Variants in USP25 observed in about 807,000 individuals in gnomAD.
USP25 encodes the protein ubiquitin specific peptidase 25.
USP25 carries 85 observed loss-of-function variants against 158.5 expected under a neutral mutation model. That is an observed-to-expected ratio of 0.54 (90% CI 0.45 to 0.64). USP25 has a LOEUF of 0.64. USP25 is among the 30% of genes least tolerant of loss of function. USP25 has a pLI of 0.00. For missense variants in USP25, 1,242 were observed against 1,327.3 expected, an observed-to-expected ratio of 0.94 and a Z score of 1.00; for synonymous variants, 464 against 460.4, an observed-to-expected ratio of 1.01 and a Z score of -0.10.
intron 18 of USP25, among the ~76,000 whole-genome samples, chr21:15,847,144 T>C (rs550572111): frequency 6.6e-6 from 1 of 152,198 alleles, no homozygotes; most frequent in Non-Finnish European, 1.5e-5. Flanking sequence ...AGGATAAAAT[T>C]ATAAGGAAAA....
intron 1 of USP25, among the ~76,000 whole-genome samples, chr21:15,745,625 A>T (rs2032484038): frequency 6.6e-6 from 1 of 150,928 alleles, no homozygotes; most frequent in African/African-American, 2.4e-5. Flanking sequence ...ACAGGCATGC[A>T]CCACCACGCT....
At chr21:15,850,239 A>G (rs1033753050) in intron 20 of USP25, among the ~76,000 whole-genome samples, 7 of 152,082 alleles carry the variant, frequency 4.6e-5, no homozygotes, top group African/African-American at 1.7e-4. Context: ...CATTGTTCAT[A>G]TTATTGGTCA....
At chr21:15,797,413 A>G (rs1276601927) in intron 5 of USP25, among the ~76,000 whole-genome samples, 3 of 151,490 alleles carry the variant, frequency 2.0e-5, no homozygotes, top group Non-Finnish European at 4.4e-5. Context: ...AGCAAAAACA[A>G]GACTAATAGC....
chr21:15,809,394 T>C (rs1403606587), intron 8 of USP25, among the ~76,000 whole-genome samples: 2 of 152,096 alleles, frequency 1.3e-5, no homozygotes, highest in Non-Finnish European at 2.9e-5. Context: ...GGCAGAGCTA[T>C]GTGGCCTAAC....
chr21:15,748,975 T>A (rs573598414), intron 1 of USP25, among the ~76,000 whole-genome samples: 2 of 152,324 alleles, frequency 1.3e-5, no homozygotes, highest in African/African-American at 4.8e-5. Context: ...TTTTGGTCTT[T>A]TTATTGTAAA....
chr21:15,752,430 G>A (rs894336250), intron 1 of USP25, among the ~76,000 whole-genome samples: 3 of 151,774 alleles, frequency 2.0e-5, no homozygotes, highest in African/African-American at 4.8e-5. Context: ...TGGCCAGGCT[G>A]GTCTCGAACT....
At chr21:15,828,601 G>A (rs1474955718) in intron 14 of USP25, among the ~76,000 whole-genome samples, 1 of 152,214 alleles carries the variant, frequency 6.6e-6, no homozygotes. Flanking sequence ...CTCAGGGGAG[G>A]AAAGAGAAAT....
chr21:15,797,711 A>G (rs555582121), intron 5 of USP25, among the ~76,000 whole-genome samples: 15 of 151,344 alleles, frequency 9.9e-5, no homozygotes, highest in African/African-American at 3.6e-4. Context: ...ATTCCTCAAA[A>G]GAATAGTCCA....
chr21:15,774,313 A>G (rs2034518477), intron 3 of USP25, among the ~76,000 whole-genome samples: 2 of 152,216 alleles, frequency 1.3e-5, no homozygotes, highest in Non-Finnish European at 2.9e-5. Context: ...AATGTCTACT[A>G]TAAGAAAAAG....
chr21:15,741,756 G>A (rs1053594014), intron 1 of USP25, among the ~76,000 whole-genome samples: 1 of 152,148 alleles, frequency 6.6e-6, no homozygotes, highest in Non-Finnish European at 1.5e-5. Flanking sequence ...GTAGCTAAAG[G>A]TAGAACACTC....
chr21:15,830,944 A>G (rs1030261450), intron 15 of USP25, among the ~76,000 whole-genome samples: 1 of 152,142 alleles, frequency 6.6e-6, no homozygotes, highest in Admixed American at 6.5e-5. Context: ...GAGAAAATCT[A>G]TGGTTGTTAA....
intron 7 of USP25, among the ~76,000 whole-genome samples, chr21:15,807,434 C>T (rs2036447598): frequency 6.6e-6 from 1 of 152,114 alleles, no homozygotes; most frequent in African/African-American, 2.4e-5. Context: ...TACAATAGTT[C>T]CTAAGGACAG....
chr21:15,783,644 G>A (rs755481007), intron 4 of USP25, among the ~76,000 whole-genome samples: 2 of 151,898 alleles, frequency 1.3e-5, no homozygotes, highest in Non-Finnish European at 1.5e-5. Context: ...GAATATATCC[G>A]GCAGTGCTAT....
At chr21:15,832,500 CTA>C (rs1329422614) in intron 16 of USP25, among the ~76,000 whole-genome samples, 1 of 152,054 alleles carries the variant, frequency 6.6e-6, no homozygotes, top group East Asian at 1.9e-4. Context: ...TCTGAATACT[CTA>C]TTGTTTTTAA....
intron 1 of USP25, among the ~76,000 whole-genome samples, chr21:15,752,372 T>C (rs938112570): frequency 1.3e-5 from 2 of 151,824 alleles, no homozygotes; most frequent in African/African-American, 4.8e-5. Context: ...CCTGCCACCA[T>C]GCCTGGCTAA....
At chr21:15,824,293 C>CA (rs960056683) in intron 11 of USP25, 127 bp downstream of exon 11, 1 of 1,063,420 alleles carries the variant, frequency 9.4e-7, no homozygotes, top group African/African-American at 1.7e-5. Flanking sequence ...TACCTAATAC[C>CA]ATTTGTCAAG....
intron 6 of USP25, among the ~76,000 whole-genome samples, chr21:15,800,090 GA>G (rs1403155077): frequency 6.6e-6 from 1 of 151,074 alleles, no homozygotes; most frequent in Non-Finnish European, 1.5e-5. Flanking sequence ...TTTTGGGGGG[GA>G]CTGTCAAATT....
At chr21:15,763,056 G>T (rs1227342935) in intron 2 of USP25, 88 bp downstream of exon 2, 3 of 1,197,730 alleles carry the variant, frequency 2.5e-6, no homozygotes, top group Non-Finnish European at 3.4e-6. Context: ...TTTTTTTGGG[G>T]TATACCATGT....
chr21:15,751,325 A>C (rs535968836), intron 1 of USP25, among the ~76,000 whole-genome samples: 50 of 152,308 alleles, frequency 3.3e-4, no homozygotes, highest in Admixed American at 1.4e-3. Context: ...AGACCATAGG[A>C]CATATTATAT....
Sources: allele counts gnomAD v4.1 joint callset (sites outside exome capture counted in the v4.1 genomes callset), GRCh38; gene constraint gnomAD v4.1.1; transcripts MANE v1.5; gene names NCBI Gene and HGNC (gene_info 2026-07-23, HGNC 2026-07-21).